Variants in SLC16A6 observed in about 807,000 individuals in gnomAD.
SLC16A6 encodes solute carrier family 16 member 6.
A neutral mutation model predicts 33.8 loss-of-function variants in SLC16A6; 15 were observed. The ratio of observed to expected loss-of-function variants is 0.44; its 90% CI spans 0.30 to 0.68. The LOEUF (loss-of-function observed/expected upper bound fraction) is 0.68, where lower values mean the gene tolerates loss of function less well. Ranked by LOEUF, SLC16A6 falls within the 30% of genes least tolerant of loss-of-function variation. The probability of loss-of-function intolerance (pLI) is 0.10; values close to 1 mark genes in which losing one functional copy is unlikely to be tolerated. For missense variants in SLC16A6, 451 were observed against 661.5 expected, an observed-to-expected ratio of 0.68 and a Z score of 3.49; for synonymous variants, 219 against 248.4, an observed-to-expected ratio of 0.88 and a Z score of 1.11.
At chr17:68,276,376 C>A (rs1410490970) in intron 2 of SLC16A6, among the ~76,000 whole-genome samples, 1 of 152,190 alleles carries the variant, frequency 6.6e-6, no homozygotes, top group Non-Finnish European at 1.5e-5. Context: ...GCAATAACTT[C>A]AGAGATAACA....
intron 1 of SLC16A6, among the ~76,000 whole-genome samples, chr17:68,290,610 C>A (rs908421792): frequency 6.6e-6 from 1 of 152,238 alleles, no homozygotes; most frequent in Non-Finnish European, 1.5e-5. Flanking sequence ...CAGGGAGCCC[C>A]ACTTTCCCTC....
chr17:68,280,876 G>A (rs529213513), intron 1 of SLC16A6, among the ~76,000 whole-genome samples: 3 of 152,284 alleles, frequency 2.0e-5, no homozygotes, highest in Admixed American at 6.5e-5. Context: ...TATAATCCCA[G>A]CACTTCGGGA....
At chr17:68,275,411 G>A (rs1410750364) in intron 2 of SLC16A6, among the ~76,000 whole-genome samples, 1 of 152,096 alleles carries the variant, frequency 6.6e-6, no homozygotes, top group Non-Finnish European at 1.5e-5. Context: ...AGTAATCTTG[G>A]ATGTAGCTCA....
chr17:68,271,924 T>C lies in SLC16A6; in HGVS notation c.506-270A>G, dbSNP rs2075353936. ...TTCAAGCGATTCTCCTGCCTCAGCCTCCTGAGTAGCTGGGACTATAGGCGT... is the reference window on the plus strand; with the variant it reads ...TTCAAGCGATTCTCCTGCCTCAGCCCCCTGAGTAGCTGGGACTATAGGCGT... On this transcript the variant is annotated intron_variant, in intron 4 of 5. Transcript: ENST00000580666. The surrounding 1 kb of genome is among the most constrained non-coding windows in gnomAD (Gnocchi z 5.3). 6.6e-6 allele frequency among the ~76,000 whole-genome samples: 1 copy of C among 152,184 alleles called. No individual in the cohort carries two copies. The highest frequency in any genetic ancestry group is 2.1e-4 in the South Asian group (1 of 4,824).
chr17:68,287,783 T>C (rs1314207615), intron 1 of SLC16A6, among the ~76,000 whole-genome samples: 4 of 152,094 alleles, frequency 2.6e-5, no homozygotes, highest in Admixed American at 2.6e-4. Flanking sequence ...GATAACCTGG[T>C]TTCTGAACCT....
At chr17:68,287,315 C>G (rs1337687817) in intron 1 of SLC16A6, among the ~76,000 whole-genome samples, 1 of 151,698 alleles carries the variant, frequency 6.6e-6, no homozygotes, top group East Asian at 1.9e-4. Context: ...GCATGCCCAG[C>G]CTTCTTCTTC....
Position 68,271,242 on chromosome 17 carries a change from C to T in SLC16A6, c.918G>A (p.Leu306=). The T allele has an allele frequency of 6.2e-7, 1 of 1,614,146 alleles. No individual in the cohort carries two copies. The highest frequency in any genetic ancestry group is 1.3e-5 in the African/African-American group (1 of 75,068). The change falls in exon 5 of 6, where the codon CTG becomes CTA. Residue 306 remains leucine, a synonymous_variant. Transcript: ENST00000580666. This position sits in a 1 kb window ranked among gnomAD's most constrained non-coding sequence, Gnocchi z 5.3. The part of the protein sequence containing the change: ...CYALFGLFAT[L]GFFAPSLYII... ...TGTACAAGGAAGGTGCAAAGAATCC[C>T]AGTGTTGCAAAGAGACCAAATAATG...
chr17:68,269,675 T>TTTTTTTTTG, intron 5 of SLC16A6, among the ~76,000 whole-genome samples: 1 of 140,804 alleles, frequency 7.1e-6, no homozygotes, highest in African/African-American at 2.7e-5. Context: ...CACTTTAGGT[T>TTTTTTTTTG]TTTTTTTTTT....
In SLC16A6 at chr17:68,274,081, A is replaced by G. The variant is rs1555750128; in HGVS notation, c.233-11T>C. ...CTGTGGCGAGGGGAGCTGCCGGGAAAGAACAAAACGATATTTTAACTCACA... is the reference window on the plus strand; with the variant it reads ...CTGTGGCGAGGGGAGCTGCCGGGAAGGAACAAAACGATATTTTAACTCACA... On this transcript the variant is annotated splice_polypyrimidine_tract_variant and intron_variant, in intron 2 of 5. Coordinates refer to ENST00000580666, the MANE Select transcript of SLC16A6 (RefSeq NM_004694.5). 2 of 1,609,392 alleles carry G rather than the reference A, an allele frequency of 1.2e-6. No individual in the cohort carries two copies. The highest frequency in any genetic ancestry group is 1.1e-5 in the South Asian group (1 of 90,976).
intron 1 of SLC16A6, among the ~76,000 whole-genome samples, chr17:68,283,347 C>T (rs2075757154): frequency 1.3e-5 from 2 of 151,530 alleles, no homozygotes; most frequent in Non-Finnish European, 2.9e-5. Context: ...GATGAAACCC[C>T]GTCTCTACTA....
At chr17:68,270,530 G>T (rs1230703110) in intron 5 of SLC16A6, among the ~76,000 whole-genome samples, 2 of 151,246 alleles carry the variant, frequency 1.3e-5, no homozygotes, top group African/African-American at 4.9e-5. Flanking sequence ...CTCCAGCCTG[G>T]GTGATAGAGC....
chr17:68,288,682 A>G (rs185962639), intron 1 of SLC16A6, among the ~76,000 whole-genome samples: 2 of 152,350 alleles, frequency 1.3e-5, no homozygotes, highest in East Asian at 3.9e-4. Context: ...CTAATAGTCT[A>G]TACTTCTATG....
intron 1 of SLC16A6, among the ~76,000 whole-genome samples, chr17:68,286,410 T>C (rs2075843391): frequency 6.6e-6 from 1 of 152,194 alleles, no homozygotes. Flanking sequence ...GGGAAACTGA[T>C]CCCCAAGAGG....
chr17:68,288,356 A>C (rs533075841), intron 1 of SLC16A6, among the ~76,000 whole-genome samples: 1 of 152,308 alleles, frequency 6.6e-6, no homozygotes, highest in South Asian at 2.1e-4. Context: ...CTGTCTCTGC[A>C]AACAAAGCAA....
chr17:68,281,340 A>G (rs6501345), intron 1 of SLC16A6, among the ~76,000 whole-genome samples: 73,386 of 151,754 alleles, frequency 0.48, 19,381 homozygotes, highest in African/African-American at 0.7. Context: ...AGCCTGAGGC[A>G]GGTGGATCAT....
intron 1 of SLC16A6, among the ~76,000 whole-genome samples, chr17:68,289,525 A>T (rs2075919103): frequency 6.6e-6 from 1 of 152,250 alleles, no homozygotes; most frequent in Non-Finnish European, 1.5e-5. Flanking sequence ...GAGCAAAAGC[A>T]CTGCGGATTT....
At chr17:68,285,115 A>T (rs1405207417) in intron 1 of SLC16A6, among the ~76,000 whole-genome samples, 1 of 152,228 alleles carries the variant, frequency 6.6e-6, no homozygotes, top group East Asian at 1.9e-4. Flanking sequence ...TGCATCTGAA[A>T]TGCATCCTAT....
Position 68,267,520 on chromosome 17 carries a change from A to C in SLC16A6, c.*1576T>G, listed in dbSNP as rs2075196104. The C allele has an allele frequency of 6.6e-6, 1 of 152,190 alleles. No individual in the cohort carries two copies. The highest frequency in any genetic ancestry group is 2.4e-5 in the African/African-American group (1 of 41,446). 9.4% of individuals were successfully genotyped at this position (152,190 alleles called of 1,614,324 possible). On this transcript the variant is annotated 3_prime_UTR_variant, in exon 6 of 6. Coordinates refer to ENST00000580666, the MANE Select transcript of SLC16A6 (RefSeq NM_004694.5). ...TTCATTTCAGTGCAGAGAAATATTCAAGCTTGTGTGTACCTGTAACCAAAC... is the reference window on the plus strand; with the variant it reads ...TTCATTTCAGTGCAGAGAAATATTCCAGCTTGTGTGTACCTGTAACCAAAC...
chr17:68,280,357 G>A (rs977562696), intron 1 of SLC16A6, among the ~76,000 whole-genome samples: 2 of 151,832 alleles, frequency 1.3e-5, no homozygotes, highest in African/African-American at 2.4e-5. Context: ...AAAGAACAAA[G>A]CTGGAGGCAT....
Sources: gnomAD v4.1 joint callset for allele counts (sites outside exome capture counted in the v4.1 genomes callset) on GRCh38, gnomAD v4.1.1 for gene constraint, Gnocchi (gnomAD v3.1) non-coding constraint, MANE v1.5 for transcripts, NCBI Gene and HGNC (gene_info 2026-07-23, HGNC 2026-07-21) for gene names.